Variants in KCNAB1 observed in about 807,000 individuals in gnomAD.
The protein encoded by KCNAB1 is potassium voltage-gated channel subfamily A regulatory beta subunit 1.
In KCNAB1, 35 loss-of-function variants were observed where a neutral mutation model predicts 64.6. That is an observed-to-expected ratio of 0.54 (90% CI 0.41 to 0.72). KCNAB1 has a LOEUF of 0.72. Ranked by LOEUF, KCNAB1 falls within the 30% of genes least tolerant of loss-of-function variation. The probability of loss-of-function intolerance (pLI) is 0.00; values close to 1 mark genes in which losing one functional copy is unlikely to be tolerated. For missense variants in KCNAB1, 401 were observed against 512.9 expected (o/e 0.78, Z 2.11); for synonymous variants, 177 against 183.8 (o/e 0.96, Z 0.30).
intron 1 of KCNAB1, among the ~76,000 whole-genome samples, chr3:156,177,833 C>T (rs1201782488): frequency 6.6e-6 from 1 of 152,026 alleles, no homozygotes; most frequent in Non-Finnish European, 1.5e-5. Flanking sequence ...CTCCGCCTGC[C>T]GGGTTCAAAC....
intron 2 of KCNAB1, among the ~76,000 whole-genome samples, chr3:156,441,624 T>G (rs1361605640): frequency 2.6e-5 from 4 of 152,186 alleles, no homozygotes; most frequent in Non-Finnish European, 5.9e-5. Flanking sequence ...TTAGTCCTAG[T>G]GTCACATGGA....
intron 1 of KCNAB1, among the ~76,000 whole-genome samples, chr3:156,408,476 T>C (rs1714408913): frequency 6.6e-6 from 1 of 152,158 alleles, no homozygotes; most frequent in Admixed American, 6.5e-5. Context: ...TGTGTATGAA[T>C]GGTGTATAAA....
At chr3:156,333,319 AAC>A (rs10641743) in intron 1 of KCNAB1, among the ~76,000 whole-genome samples, 170 of 143,000 alleles carry the variant, frequency 1.2e-3, no homozygotes, top group East Asian at 2.6e-3. Context: ...CGCACATAGA[AAC>A]ACACACACAC....
At chr3:156,486,365 A>G (rs1715216957) in intron 8 of KCNAB1, among the ~76,000 whole-genome samples, 1 of 152,098 alleles carries the variant, frequency 6.6e-6, no homozygotes. Flanking sequence ...GAGGGGAGTA[A>G]AGGGGGTCTA....
chr3:156,351,172 TTTG>T (rs1257387070), intron 1 of KCNAB1, among the ~76,000 whole-genome samples: 1 of 152,244 alleles, frequency 6.6e-6, no homozygotes, highest in Non-Finnish European at 1.5e-5. Flanking sequence ...ACACAATGCT[TTTG>T]TTATTCTCTT....
In KCNAB1 at chr3:156,377,706, G is replaced by C. The variant is rs74479091; in HGVS notation, c.276-43910G>C. Among the ~76,000 whole-genome samples, 1,187 of 152,220 alleles carry C rather than the reference G, an allele frequency of 7.8e-3. 18 individuals are homozygous for C. The highest frequency in any genetic ancestry group is 0.027 in the African/African-American group (1,129 of 41,524). On this transcript the variant is annotated intron_variant, in intron 1 of 13. Coordinates refer to ENST00000490337, the MANE Select transcript of KCNAB1 (RefSeq NM_172160.3). ...GGTCCCATGCAGGAGGTAAATACCT[G>C]CAGGTGTGATATGAGAGCGATTGCT... is the stretch of plus-strand genomic sequence containing the variant.
At chr3:156,487,728 C>A (rs1715316619) in intron 8 of KCNAB1, among the ~76,000 whole-genome samples, 1 of 151,766 alleles carries the variant, frequency 6.6e-6, no homozygotes, top group African/African-American at 2.4e-5. Context: ...GTATTAAGGG[C>A]AAAAAGGAAA....
At chr3:156,255,828 A>G (rs572590429) in intron 1 of KCNAB1, among the ~76,000 whole-genome samples, 1 of 152,244 alleles carries the variant, frequency 6.6e-6, no homozygotes, top group East Asian at 1.9e-4. Flanking sequence ...GATTACCTGC[A>G]CTTCTTTTAG....
chr3:156,293,094 C>T (rs1333706532), intron 1 of KCNAB1, among the ~76,000 whole-genome samples: 1 of 152,152 alleles, frequency 6.6e-6, no homozygotes, highest in Non-Finnish European at 1.5e-5. Flanking sequence ...TGGAATCATC[C>T]TGGTAATAGT....
intron 1 of KCNAB1, among the ~76,000 whole-genome samples, chr3:156,383,310 A>T (rs1368462596): frequency 2.6e-5 from 4 of 152,212 alleles, no homozygotes; most frequent in Non-Finnish European, 5.9e-5. Context: ...ATTTCCTGCC[A>T]CTAGAATTTG....
chr3:156,236,072 TGAATTTA>T (rs1419786026), intron 1 of KCNAB1, among the ~76,000 whole-genome samples: 40 of 152,324 alleles, frequency 2.6e-4, no homozygotes, highest in African/African-American at 9.1e-4. Flanking sequence ...CCTGGGATTC[TGAATTTA>T]AAAAATATAA....
chr3:156,205,121 G>T (rs977414770), intron 1 of KCNAB1, among the ~76,000 whole-genome samples: 2 of 152,078 alleles, frequency 1.3e-5, no homozygotes, highest in Non-Finnish European at 2.9e-5. Context: ...TGCCAACTCT[G>T]GGGTAAAGAA....
intron 1 of KCNAB1, among the ~76,000 whole-genome samples, chr3:156,339,736 C>T (rs2108062769): frequency 6.6e-6 from 1 of 152,344 alleles, no homozygotes; most frequent in Admixed American, 6.5e-5. Context: ...CATCCTCTGG[C>T]CATTGCACAT....
At chr3:156,143,569 G>GTTTTTTGTTTTTTTTTTTTTTTTTT (rs1553807969) in intron 1 of KCNAB1, 6 of 281,596 alleles carry the variant, frequency 2.1e-5, no homozygotes, top group African/African-American at 1.8e-4. Flanking sequence ...TTGCATTCTT[G>GTTTTTTGTTTTTTTTTTTTTTTTTT]TTTTTTTTTT....
chr3:156,498,010 A>C (rs1311862259), intron 8 of KCNAB1, among the ~76,000 whole-genome samples: 1 of 152,190 alleles, frequency 6.6e-6, no homozygotes, highest in African/African-American at 2.4e-5. Flanking sequence ...ACTAAGAAGG[A>C]TAAGATGTCA....
At chr3:156,437,644 T>A (rs534991816) in intron 2 of KCNAB1, among the ~76,000 whole-genome samples, 3 of 152,280 alleles carry the variant, frequency 2.0e-5, no homozygotes, top group African/African-American at 4.8e-5. Context: ...TTTAAAAAAA[T>A]TCTGCTAAGC....
intron 1 of KCNAB1, among the ~76,000 whole-genome samples, chr3:156,127,755 G>A (rs116138517): frequency 0.016 from 2,428 of 152,266 alleles, 57 homozygotes; most frequent in African/African-American, 0.056. Context: ...TCCCTGGACG[G>A]GCACATCCAC....
At chr3:156,378,645 A>G (rs1057184648) in intron 1 of KCNAB1, among the ~76,000 whole-genome samples, 3 of 151,946 alleles carry the variant, frequency 2.0e-5, no homozygotes, top group African/African-American at 4.8e-5. Flanking sequence ...TTTCCTTTCT[A>G]TGTGCACTCA....
chr3:156,437,831 CT>C (rs561521650), intron 2 of KCNAB1, among the ~76,000 whole-genome samples: 170 of 152,250 alleles, frequency 1.1e-3, no homozygotes, highest in African/African-American at 3.9e-3. Flanking sequence ...TCAAGGCCAC[CT>C]TCAACCTTCC....
Sources: gnomAD v4.1 joint callset for allele counts (sites outside exome capture counted in the v4.1 genomes callset) on GRCh38, gnomAD v4.1.1 for gene constraint, MANE v1.5 for transcripts, NCBI Gene and HGNC (gene_info 2026-07-23, HGNC 2026-07-21) for gene names.